VAV1: variants seen among roughly 807,000 people sequenced by gnomAD.
VAV1 encodes vav guanine nucleotide exchange factor 1.
In VAV1, 33 loss-of-function variants were observed where a neutral mutation model predicts 128.1. The ratio of observed to expected loss-of-function variants is 0.26; its 90% CI spans 0.20 to 0.34. The LOEUF (loss-of-function observed/expected upper bound fraction) is 0.34, where lower values mean the gene tolerates loss of function less well. Among genes scored for constraint, VAV1 ranks in the 10% least tolerant of loss-of-function variants. VAV1 has a pLI of 1.00. For missense variants in VAV1, 715 were observed against 1,093.7 expected (o/e 0.65, Z 4.88); for synonymous variants, 394 against 409.8 (o/e 0.96, Z 0.47).
In VAV1 at chr19:6,822,387, C is replaced by T; in HGVS notation, c.559-32C>T. 1.9e-6 allele frequency: 3 copies of T among 1,553,384 alleles called. No homozygotes were observed. Among genetic ancestry groups the T allele is most frequent in the Admixed American group, 2.0e-5 (1 of 51,226 alleles). On this transcript the variant is annotated intron_variant, in intron 5 of 26. Transcript: ENST00000602142. The surrounding 1 kb of genome is among the most constrained non-coding windows in gnomAD (Gnocchi z 5.9). ...GCGTGGGCGGGGGGCAGCCCCAGGC[C>T]CCCCAACACCGGCCTCTCCCCTCGC... is the stretch of plus-strand genomic sequence containing the variant.
intron 1 of VAV1, 59 bp downstream of exon 1, chr19:6,773,070 G>C: frequency 1.3e-6 from 2 of 1,598,608 alleles, no homozygotes; most frequent in South Asian, 1.1e-5. Flanking sequence ...CCCCGGGGCT[G>C]ACAGTCGAGG....
Position 6,820,707 on chromosome 19 carries a change from G to A in VAV1, c.210G>A (p.Leu70=). 1.2e-6 allele frequency: 2 copies of A among 1,614,064 alleles called. No individual in the cohort carries two copies. Among genetic ancestry groups the A allele is most frequent in the African/African-American group, 1.3e-5 (1 of 75,034 alleles). The part of the protein sequence containing the change: ...VNLRPQMSQF[L]CLKNIRTFLS... ...ATTTCTCTGTCTCCTCACAGTTCCT[G>A]TGCCTTAAGAACATTAGAACCTTCC... Residue 70 remains leucine, a synonymous_variant, in exon 2 of 27, where the codon CTG becomes CTA. Coordinates refer to ENST00000602142, the MANE Select transcript of VAV1 (RefSeq NM_005428.4). This position sits in a 1 kb window ranked among gnomAD's most constrained non-coding sequence, Gnocchi z 4.4.
At chr19:6,802,651 C>A (rs1259744609) in intron 1 of VAV1, among the ~76,000 whole-genome samples, 1 of 152,170 alleles carries the variant, frequency 6.6e-6, no homozygotes, top group Non-Finnish European at 1.5e-5. Flanking sequence ...GGTGATCTGC[C>A]TGCCCATGAG....
intron 14 of VAV1, among the ~76,000 whole-genome samples, chr19:6,831,386 A>G (rs902870716): frequency 6.6e-6 from 1 of 152,060 alleles, no homozygotes; most frequent in Non-Finnish European, 1.5e-5. Flanking sequence ...ATCTCGGCTC[A>G]CTGCAACCTC....
chr19:6,821,654 C>G lies in VAV1; in HGVS notation c.354C>G (p.Thr118=). The change falls in exon 3 of 27, where the codon ACC becomes ACG. Residue 118 remains threonine (T), a synonymous_variant. Transcript: ENST00000602142. ...ACACCCTGTCTGCTCTGTCCTGGAC[C>G]CCGATCGCCCAGAACAGGGGGATCA... ...VIYTLSALSW[T]PIAQNRGIMP... is the part of the protein sequence containing the mutation. 6.2e-7 allele frequency: 1 copy of G among 1,614,142 alleles called. No individual in the cohort carries two copies. The highest frequency in any genetic ancestry group is 8.5e-7 in the Non-Finnish European group (1 of 1,180,018).
Position 6,843,115 on chromosome 19 carries a change from GTC to G in VAV1, c.1981-12_1981-11del, listed in dbSNP as rs564821170. ...GCTGGGGTCTTTACACTAAGTTGGG[GTC>G]TCTCTCTGTATTCTTAGGGCCCTCC... On this transcript the variant is annotated intron_variant, in intron 21 of 26. Transcript: ENST00000602142. 80 of 1,613,870 alleles carry G rather than the reference GTC, an allele frequency of 5.0e-5. No homozygotes were observed. In the East Asian group the frequency reaches 1.5e-3, roughly 30 times the overall value.
At chr19:6,843,285 C>A (rs1972425071) in intron 22 of VAV1, 119 bp downstream of exon 22, 3 of 1,161,720 alleles carry the variant, frequency 2.6e-6, no homozygotes, top group Non-Finnish European at 3.8e-6. Flanking sequence ...TGAGCACCGA[C>A]TTCTGAATCT....
At chr19:6,835,214 TACACACACAC>T (rs59124872) in intron 19 of VAV1, among the ~76,000 whole-genome samples, 67 of 145,444 alleles carry the variant, frequency 4.6e-4, no homozygotes, top group African/African-American at 1.6e-3. Flanking sequence ...TATATATACA[TACACACACAC>T]ACACACACAC....
rs561128244 is a variant in VAV1 at position 6,775,144 on chromosome 19, C to G, written c.204+2133C>G. On this transcript the variant is annotated intron_variant, in intron 1 of 26. Coordinates refer to ENST00000602142, the MANE Select transcript of VAV1 (RefSeq NM_005428.4). ...TCCTGAAAGGAGAAGGCACTCCCCC[C>G]ACCAACCTAAGCATCCATCCTCTGG... is the stretch of plus-strand genomic sequence containing the variant. Among the ~76,000 whole-genome samples the G allele has an allele frequency of 1.6e-4, 25 of 152,228 alleles. No homozygotes were observed. In the South Asian group the frequency reaches 1.7e-3, roughly 10 times the overall value.
At chr19:6,805,399 T>C (rs1299653911) in intron 1 of VAV1, among the ~76,000 whole-genome samples, 6 of 151,872 alleles carry the variant, frequency 4.0e-5, no homozygotes. Context: ...CACTCTAGCC[T>C]GGGCCACAGA....
intron 1 of VAV1, among the ~76,000 whole-genome samples, chr19:6,818,425 C>T (rs748016704): frequency 6.6e-6 from 1 of 152,202 alleles, no homozygotes; most frequent in Non-Finnish European, 1.5e-5. Flanking sequence ...TCTTCCTCCT[C>T]GCCCACTCTA....
rs140268248 is a variant in VAV1 at position 6,824,627 on chromosome 19, G to A, written c.655-426G>A. Among the ~76,000 whole-genome samples the A allele has an allele frequency of 3.6e-3, 551 of 152,140 alleles. 3 individuals carry two copies. The highest frequency in any genetic ancestry group is 0.013 in the African/African-American group (533 of 41,492). ...GCTCACTGCAACCTCTGCCATCCAGGTTCAAGTGATTCTCCTGCTTCAGCC... is the reference window on the plus strand; with the variant it reads ...GCTCACTGCAACCTCTGCCATCCAGATTCAAGTGATTCTCCTGCTTCAGCC... On this transcript the variant is annotated intron_variant, in intron 6 of 26. Coordinates refer to ENST00000602142, the MANE Select transcript of VAV1 (RefSeq NM_005428.4).
intron 1 of VAV1, among the ~76,000 whole-genome samples, chr19:6,775,316 A>G (rs1281385400): frequency 6.6e-6 from 1 of 152,204 alleles, no homozygotes; most frequent in Non-Finnish European, 1.5e-5. Flanking sequence ...AGCTAATGGG[A>G]AAGTGGATAG....
chr19:6,832,697 C>G lies in VAV1; in HGVS notation c.1509-487C>G, dbSNP rs1263200245. On this transcript the variant is annotated intron_variant, in intron 15 of 26. Transcript: ENST00000602142. ...TCCTCCTCTTCTTTCTCTTCCTCCT[C>G]CCTTTCCTCCTCTTCCTCTTCTTCC... Among the ~76,000 whole-genome samples, 6 of 150,562 alleles carry G rather than the reference C, an allele frequency of 4.0e-5. No homozygotes were observed. The East Asian group carries it at 1.2e-3, about 30-fold the overall frequency.
Position 6,777,402 on chromosome 19 carries a change from G to C in VAV1, c.204+4391G>C, listed in dbSNP as rs1970672109. 6.6e-6 allele frequency among the ~76,000 whole-genome samples: 1 copy of C among 152,164 alleles called. No individual in the cohort carries two copies. Among genetic ancestry groups the C allele is most frequent in the Non-Finnish European group, 1.5e-5 (1 of 68,036 alleles). Reference sequence around the variant, plus strand: ...TGCATTCTAGTGGGGGAGGCTGACAGTGAAGAAATAAGACAATGTATAAGT... The same window carrying C: ...TGCATTCTAGTGGGGGAGGCTGACACTGAAGAAATAAGACAATGTATAAGT... On this transcript the variant is annotated intron_variant, in intron 1 of 26. Coordinates refer to ENST00000602142, the MANE Select transcript of VAV1 (RefSeq NM_005428.4). This position sits in a 1 kb window ranked among gnomAD's most constrained non-coding sequence, Gnocchi z 4.4.
At chr19:6,792,304 A>G (rs2546128) in intron 1 of VAV1, among the ~76,000 whole-genome samples, 39,994 of 151,794 alleles carry the variant, frequency 0.26, 6,358 homozygotes, top group African/African-American at 0.45. Context: ...TCACATTTTC[A>G]TTGAGGAGGA....
At chr19:6,839,049 C>T (rs901862195) in intron 21 of VAV1, among the ~76,000 whole-genome samples, 8 of 151,932 alleles carry the variant, frequency 5.3e-5, no homozygotes. Flanking sequence ...ATTACAGGCG[C>T]CTGCCACCAC....
At chr19:6,855,802 CATCTATCTATCT>C (rs58591070) in intron 26 of VAV1, among the ~76,000 whole-genome samples, 5,175 of 149,560 alleles carry the variant, frequency 0.035, 145 homozygotes, top group African/African-American at 0.079. Flanking sequence ...TCCACCCATT[CATCTATCTATCT>C]ATCTATCTAT....
Position 6,828,732 on chromosome 19 carries a change from C to T in VAV1, c.1179+24C>T. The T allele has an allele frequency of 1.2e-6, 2 of 1,613,888 alleles. No individual in the cohort carries two copies. The highest frequency in any genetic ancestry group is 1.7e-6 in the Non-Finnish European group (2 of 1,179,920). On this transcript the variant is annotated intron_variant, in intron 12 of 26. Coordinates refer to ENST00000602142, the MANE Select transcript of VAV1 (RefSeq NM_005428.4). This position sits in a 1 kb window ranked among gnomAD's most constrained non-coding sequence, Gnocchi z 4.5. The stretch of plus-strand genomic sequence containing the variant: ...TGGTGAGGCGGTGGAGCCGGGTGGG[C>T]CAGGGGTGTGGCCACGTGGGGAGAG...
Sources: allele counts gnomAD v4.1 joint callset (sites outside exome capture counted in the v4.1 genomes callset), GRCh38; gene constraint gnomAD v4.1.1; non-coding constraint Gnocchi (gnomAD v3.1); transcripts MANE v1.5; gene names NCBI Gene and HGNC (gene_info 2026-07-23, HGNC 2026-07-21).